The following KCNIP4 variants were observed in gnomAD, a reference collection of about 807,000 sequenced individuals.
The protein encoded by KCNIP4 is potassium voltage-gated channel interacting protein 4.
Under a neutral mutation model 34.0 loss-of-function variants are expected in KCNIP4, and 12 were observed. The ratio of observed to expected loss-of-function variants is 0.35; its 90% CI spans 0.23 to 0.57. KCNIP4 has a LOEUF of 0.57. KCNIP4 is among the 20% of genes least tolerant of loss of function. KCNIP4 has a pLI of 0.83. For synonymous variants in KCNIP4, 124 were observed against 102.2 expected, an observed-to-expected ratio of 1.21 and a Z score of -1.29; for missense variants, 238 against 311.7, an observed-to-expected ratio of 0.76 and a Z score of 1.78.
chr4:21,285,971 G>C (rs1219000639), intron 1 of KCNIP4, among the ~76,000 whole-genome samples: 1 of 152,208 alleles, frequency 6.6e-6, no homozygotes, highest in Non-Finnish European at 1.5e-5. Context: ...CAAACACTGT[G>C]TATAAGAAAT....
chr4:21,608,580 T>C (rs752986451), intron 1 of KCNIP4, among the ~76,000 whole-genome samples: 14 of 152,204 alleles, frequency 9.2e-5, no homozygotes, highest in African/African-American at 1.2e-4. Context: ...TGTGATTACA[T>C]TGGGGCCTCC....
At chr4:21,452,037 T>G (rs191370811) in intron 1 of KCNIP4, among the ~76,000 whole-genome samples, 56 of 152,194 alleles carry the variant, frequency 3.7e-4, no homozygotes, top group Admixed American at 1.2e-3. Context: ...GTTCTGTTTC[T>G]TCCCCCCCAA....
At chr4:21,578,517 G>T (rs927264366) in intron 1 of KCNIP4, among the ~76,000 whole-genome samples, 2 of 151,966 alleles carry the variant, frequency 1.3e-5, no homozygotes, top group Non-Finnish European at 1.5e-5. Flanking sequence ...AACGGAGCAG[G>T]AGAGAGAAAA....
chr4:20,887,021 A>T (rs1232249442), intron 1 of KCNIP4, among the ~76,000 whole-genome samples: 6 of 152,114 alleles, frequency 3.9e-5, no homozygotes, highest in Admixed American at 1.3e-4. Context: ...GACGTTAAAG[A>T]TAGTCATAAT....
At chr4:21,739,934 C>A (rs1417491895) in intron 1 of KCNIP4, among the ~76,000 whole-genome samples, 1 of 152,046 alleles carries the variant, frequency 6.6e-6, no homozygotes, top group Admixed American at 6.6e-5. Context: ...GCAGAAATTT[C>A]TGATTTAATT....
chr4:21,577,617 G>A (rs570535797), intron 1 of KCNIP4, among the ~76,000 whole-genome samples: 1 of 140,102 alleles, frequency 7.1e-6, no homozygotes, highest in East Asian at 2.2e-4. Flanking sequence ...AATAACAAGA[G>A]CGAAACTCCA....
intron 1 of KCNIP4, among the ~76,000 whole-genome samples, chr4:21,744,283 C>T (rs1716621063): frequency 1.3e-5 from 2 of 152,170 alleles, no homozygotes; most frequent in Admixed American, 6.5e-5. Flanking sequence ...TTAGCAAAGT[C>T]ACCCTCTTGC....
intron 1 of KCNIP4, among the ~76,000 whole-genome samples, chr4:21,077,115 G>C (rs1218780129): frequency 6.6e-6 from 1 of 151,846 alleles, no homozygotes; most frequent in African/African-American, 2.4e-5. Context: ...AACAGAATGA[G>C]ACTCTGTCTC....
intron 1 of KCNIP4, among the ~76,000 whole-genome samples, chr4:21,467,806 T>C (rs1730123165): frequency 6.6e-6 from 1 of 152,186 alleles, no homozygotes; most frequent in South Asian, 2.1e-4. Flanking sequence ...CACTTAGGTA[T>C]ATCAAATAGG....
intron 1 of KCNIP4, among the ~76,000 whole-genome samples, chr4:21,019,315 C>T (rs1175655101): frequency 6.6e-6 from 1 of 151,900 alleles, no homozygotes; most frequent in Non-Finnish European, 1.5e-5. Flanking sequence ...GCCACCACGT[C>T]CGGCTAATTT....
At chr4:20,967,282 G>A (rs537757180) in intron 1 of KCNIP4, among the ~76,000 whole-genome samples, 87 of 152,072 alleles carry the variant, frequency 5.7e-4, no homozygotes, top group Non-Finnish European at 9.7e-4. Context: ...TTACTCTCTC[G>A]ACACAAGAAA....
At chr4:21,545,582 T>C (rs1738080265) in intron 1 of KCNIP4, among the ~76,000 whole-genome samples, 1 of 152,184 alleles carries the variant, frequency 6.6e-6, no homozygotes, top group Non-Finnish European at 1.5e-5. Context: ...CCCCTCCCTG[T>C]GTCCATGTGT....
At chr4:21,472,107 T>C (rs915629679) in intron 1 of KCNIP4, among the ~76,000 whole-genome samples, 2 of 152,206 alleles carry the variant, frequency 1.3e-5, no homozygotes, top group Non-Finnish European at 1.5e-5. Context: ...GCTTTTTCCA[T>C]AATGTAGAGT....
At chr4:21,049,974 C>T (rs183758111) in intron 1 of KCNIP4, among the ~76,000 whole-genome samples, 2 of 152,162 alleles carry the variant, frequency 1.3e-5, no homozygotes, top group African/African-American at 4.8e-5. Context: ...ATATAACCAC[C>T]AATTCAGACA....
chr4:20,922,065 C>G (rs913812940), intron 1 of KCNIP4, among the ~76,000 whole-genome samples: 3 of 152,182 alleles, frequency 2.0e-5, no homozygotes, highest in African/African-American at 7.2e-5. Context: ...TAACAGTAGA[C>G]TTGAATGCAG....
chr4:21,876,021 T>C (rs1726089216), intron 1 of KCNIP4, among the ~76,000 whole-genome samples: 2 of 152,170 alleles, frequency 1.3e-5, no homozygotes, highest in Middle Eastern at 3.2e-3. Context: ...TGGATCCCTT[T>C]CACAGTTTTG....
intron 1 of KCNIP4, among the ~76,000 whole-genome samples, chr4:21,529,392 G>T (rs185277555): frequency 3.7e-4 from 56 of 152,240 alleles, no homozygotes; most frequent in African/African-American, 1.2e-3. Flanking sequence ...TCCAGACAGT[G>T]GTTAAAGCAC....
In KCNIP4 at chr4:21,846,430, C is replaced by T. The variant is rs1724019395; in HGVS notation, c.61+102141G>A. On this transcript the variant is annotated intron_variant, in intron 1 of 8. Coordinates refer to ENST00000382152, the MANE Select transcript of KCNIP4 (RefSeq NM_025221.6). ...TTCCTGAGTTCAAATCCCAGCTCTG[C>T]TTCTTCCTATCTCTGATCTTTAACA... 2.0e-5 allele frequency: 3 copies of T among 152,256 alleles called. No individual in the cohort carries two copies. The South Asian group carries it at 6.2e-4, about 32-fold the overall frequency. 9.4% of individuals were successfully genotyped at this position (152,256 alleles called of 1,614,324 possible).
chr4:20,858,379 G>A (rs1176544536), intron 2 of KCNIP4, among the ~76,000 whole-genome samples: 2 of 151,988 alleles, frequency 1.3e-5, no homozygotes, highest in Non-Finnish European at 2.9e-5. Context: ...TGTTGCTTAA[G>A]CCACCCAGTC....
Sources: allele counts gnomAD v4.1 joint callset (sites outside exome capture counted in the v4.1 genomes callset), GRCh38; gene constraint gnomAD v4.1.1; transcripts MANE v1.5; gene names NCBI Gene and HGNC (gene_info 2026-07-23, HGNC 2026-07-21).